Variants in FLT1 observed in about 807,000 individuals in gnomAD.
The protein encoded by FLT1 is fms related receptor tyrosine kinase 1, also known as vascular endothelial growth factor receptor 1.
In FLT1, 49 loss-of-function variants were observed where a neutral mutation model predicts 156.3. The observed-to-expected ratio is 0.31, with a 90% CI of 0.25 to 0.40. FLT1 has a LOEUF of 0.40. Among genes scored for constraint, FLT1 ranks in the 10% least tolerant of loss-of-function variants. FLT1 has a pLI of 1.00. For missense variants in FLT1, 1,322 were observed against 1,637.2 expected (o/e 0.81, Z 3.32); for synonymous variants, 594 against 583.8 (o/e 1.02, Z -0.25).
chr13:28,330,588 C>CTATA (rs3029492), intron 18 of FLT1, among the ~76,000 whole-genome samples: 39 of 142,378 alleles, frequency 2.7e-4, no homozygotes, highest in Admixed American at 6.3e-4. Flanking sequence ...ATCAGAGGTC[C>CTATA]TATATATATA....
chr13:28,443,985 A>G (rs527762043), intron 3 of FLT1, among the ~76,000 whole-genome samples: 1 of 152,346 alleles, frequency 6.6e-6, no homozygotes, highest in Non-Finnish European at 1.5e-5. Flanking sequence ...GGGGTGTTTG[A>G]TAATATTAAG....
chr13:28,469,919 A>T (rs1880057889), intron 1 of FLT1, among the ~76,000 whole-genome samples: 1 of 151,842 alleles, frequency 6.6e-6, no homozygotes, highest in Non-Finnish European at 1.5e-5. Flanking sequence ...AGCGTGGCTA[A>T]TTTTTTGTAT....
chr13:28,397,284 A>G (rs1875105713), intron 11 of FLT1, among the ~76,000 whole-genome samples: 1 of 152,186 alleles, frequency 6.6e-6, no homozygotes, highest in Non-Finnish European at 1.5e-5. Context: ...GGGGCCTATG[A>G]CATCCGACTC....
chr13:28,385,897 T>G, intron 13 of FLT1: 1 of 1,052,836 alleles, frequency 9.5e-7, no homozygotes, highest in Non-Finnish European at 1.1e-6. Flanking sequence ...CCTGCTGATG[T>G]GTATACATTC....
At position 28,481,472 on chromosome 13, in the gene FLT1, CACACACACACAT is replaced by C. The variant is rs1880849352; in HGVS notation, c.64+13296_64+13307del. Among the ~76,000 whole-genome samples the C allele has an allele frequency of 2.0e-5, 3 of 151,952 alleles. No homozygotes were observed. In the East Asian group the frequency reaches 5.8e-4, roughly 29 times the overall value. On this transcript the variant is annotated intron_variant, in intron 1 of 29. Coordinates refer to ENST00000282397, the MANE Select transcript of FLT1 (RefSeq NM_002019.4). ...ACACACACACACACACACACACACA[CACACACACACAT>C]ACACGTACTTAGAAGGTGAACCAAT...
At chr13:28,471,575 A>T (rs1473071400) in intron 1 of FLT1, among the ~76,000 whole-genome samples, 1 of 152,204 alleles carries the variant, frequency 6.6e-6, no homozygotes, top group East Asian at 1.9e-4. Context: ...ACCCATAAAC[A>T]CATGCATAGT....
Position 28,372,566 on chromosome 13 carries a change from G to GTATACATATA in FLT1, c.2116+12318_2116+12319insTATATGTATA, listed in dbSNP as rs1555232433. On this transcript the variant is annotated intron_variant, in intron 14 of 29. Coordinates refer to ENST00000282397, the MANE Select transcript of FLT1 (RefSeq NM_002019.4). ...CATATATTCCTCGTTTAAATAAAAT[G>GTATACATATA]TATATATATATATATATATATATAT... is the stretch of plus-strand genomic sequence containing the variant. Among the ~76,000 whole-genome samples, 25 of 91,458 alleles carry GTATACATATA rather than the reference G, an allele frequency of 2.7e-4. 2 individuals carry two copies. In the Admixed American group the frequency reaches 2.9e-3, roughly 11 times the overall value. 60.0% of individuals were successfully genotyped at this position (91,458 alleles called of 152,430 possible).
intron 14 of FLT1, among the ~76,000 whole-genome samples, chr13:28,373,168 G>A (rs1355877200): frequency 2.6e-5 from 4 of 152,164 alleles, no homozygotes; most frequent in African/African-American, 9.7e-5. Context: ...CTGTCCCACC[G>A]TGTGGAGGTG....
rs572739073 is a variant in FLT1, at chr13:28,477,810, G to A, written c.65-10193C>T. Among the ~76,000 whole-genome samples the A allele has an allele frequency of 8.8e-4, 134 of 152,246 alleles. 1 individual carries two copies. The highest frequency in any genetic ancestry group is 3.1e-3 in the African/African-American group (127 of 41,538). ...GCTCTGACGTCACGTCTTATAGAATGGATCATAATTGCCAGTAGTGTTATG... is the reference window on the plus strand; with the variant it reads ...GCTCTGACGTCACGTCTTATAGAATAGATCATAATTGCCAGTAGTGTTATG... On this transcript the variant is annotated intron_variant, in intron 1 of 29. Transcript: ENST00000282397.
At chr13:28,423,148 T>C (rs1877112110) in intron 10 of FLT1, among the ~76,000 whole-genome samples, 1 of 152,102 alleles carries the variant, frequency 6.6e-6, no homozygotes, top group Non-Finnish European at 1.5e-5. Context: ...GTGGACTGGC[T>C]GAGCAGGCAT....
chr13:28,478,313 T>C (rs1308269985), intron 1 of FLT1, among the ~76,000 whole-genome samples: 1 of 152,218 alleles, frequency 6.6e-6, no homozygotes, highest in Non-Finnish European at 1.5e-5. Context: ...TTACATAGCA[T>C]CAGGATTACA....
chr13:28,373,465 T>C (rs956157313), intron 14 of FLT1, among the ~76,000 whole-genome samples: 2 of 152,214 alleles, frequency 1.3e-5, no homozygotes, highest in South Asian at 4.1e-4. Context: ...TTTTCCTTAA[T>C]TGAATTGGGC....
intron 15 of FLT1, among the ~76,000 whole-genome samples, chr13:28,352,659 T>C (rs1305272892): frequency 6.6e-6 from 1 of 152,218 alleles, no homozygotes; most frequent in African/African-American, 2.4e-5. Flanking sequence ...AGCCCTCCTA[T>C]TGACATTAGT....
intron 4 of FLT1, among the ~76,000 whole-genome samples, chr13:28,435,536 T>A (rs2296285): frequency 0.34 from 51,408 of 152,018 alleles, 8,969 homozygotes; most frequent in East Asian, 0.48. Flanking sequence ...CAACAGATTA[T>A]AAAGGAAATA....
intron 14 of FLT1, among the ~76,000 whole-genome samples, chr13:28,380,942 A>G (rs1229321114): frequency 6.6e-6 from 1 of 152,118 alleles, no homozygotes; most frequent in African/African-American, 2.4e-5. Flanking sequence ...GGGCTCCGAG[A>G]GTAAGGAATA....
intron 14 of FLT1, among the ~76,000 whole-genome samples, chr13:28,371,496 AGCTG>A (rs1437382222): frequency 6.6e-6 from 1 of 152,126 alleles, no homozygotes; most frequent in Non-Finnish European, 1.5e-5. Flanking sequence ...ATCCCTTAGG[AGCTG>A]GCTGGCCTAC....
rs1279204338 is a variant in FLT1 at position 28,372,566 on chromosome 13, G to GCA, written c.2116+12318_2116+12319insTG. 6.5e-4 allele frequency among the ~76,000 whole-genome samples: 59 copies of GCA among 91,436 alleles called. 2 individuals are homozygous for GCA. Among genetic ancestry groups the GCA allele is most frequent in the Non-Finnish European group, 1.0e-3 (47 of 45,004 alleles). 60.0% of individuals were successfully genotyped at this position (91,436 alleles called of 152,430 possible). ...CATATATTCCTCGTTTAAATAAAAT[G>GCA]TATATATATATATATATATATATAT... is the stretch of plus-strand genomic sequence containing the variant. On this transcript the variant is annotated intron_variant, in intron 14 of 29. Transcript: ENST00000282397.
chr13:28,345,260 A>AC (rs921839150), intron 16 of FLT1, among the ~76,000 whole-genome samples, 185 bp downstream of exon 16: 21 of 151,100 alleles, frequency 1.4e-4, no homozygotes, highest in South Asian at 4.2e-4. Flanking sequence ...TCTTTTGAAC[A>AC]CCCCCCCTTG....
At chr13:28,325,497 C>A (rs1212843208) in intron 20 of FLT1, among the ~76,000 whole-genome samples, 1 of 152,106 alleles carries the variant, frequency 6.6e-6, no homozygotes, top group African/African-American at 2.4e-5. Context: ...CAACTGATCA[C>A]AAAGATCCCT....
Sources: allele counts gnomAD v4.1 joint callset (sites outside exome capture counted in the v4.1 genomes callset), GRCh38; gene constraint gnomAD v4.1.1; transcripts MANE v1.5; gene names NCBI Gene and HGNC (gene_info 2026-07-23, HGNC 2026-07-21).